The following VRTN variants were observed in gnomAD, a reference collection of about 807,000 sequenced individuals.
The protein encoded by VRTN is vertebrae development associated.
In VRTN, 5 loss-of-function variants were observed where a neutral mutation model predicts 18.2. That is an observed-to-expected ratio of 0.27 (90% confidence interval 0.14 to 0.58). The LOEUF is 0.58. Among genes scored for constraint, VRTN ranks in the 20% least tolerant of loss-of-function variants. The pLI is 0.91. For synonymous variants in VRTN, 381 were observed against 393.7 expected, an observed-to-expected ratio of 0.97 and a Z score of 0.38; for missense variants, 741 against 939.4, an observed-to-expected ratio of 0.79 and a Z score of 2.76.
chr14:74,333,550 A>G (rs1419498324), intron 1 of VRTN, among the ~76,000 whole-genome samples: 1 of 150,202 alleles, frequency 6.7e-6, no homozygotes, highest in Non-Finnish European at 1.5e-5. Context: ...AATAACATTA[A>G]AACAACAGGG....
chr14:74,310,892 C>CT (rs2085384520), intron 1 of VRTN, among the ~76,000 whole-genome samples: 1 of 151,596 alleles, frequency 6.6e-6, no homozygotes, highest in Non-Finnish European at 1.5e-5. Context: ...CAGGGCCTCA[C>CT]TATGTTGCCT....
intron 1 of VRTN, among the ~76,000 whole-genome samples, chr14:74,352,406 T>C (rs1466114144): frequency 6.6e-6 from 1 of 151,810 alleles, no homozygotes; most frequent in African/African-American, 2.4e-5. Context: ...CATGAACTCC[T>C]GATCTCGTGA....
intron 1 of VRTN, among the ~76,000 whole-genome samples, chr14:74,317,112 CAG>C (rs1394589541): frequency 6.6e-6 from 1 of 152,136 alleles, no homozygotes; most frequent in Non-Finnish European, 1.5e-5. Context: ...GGGTTAAAAA[CAG>C]AAGAGTGACA....
At chr14:74,336,713 C>T (rs1392952119) in intron 1 of VRTN, among the ~76,000 whole-genome samples, 4 of 152,044 alleles carry the variant, frequency 2.6e-5, no homozygotes, top group Non-Finnish European at 4.4e-5. Flanking sequence ...GTGGAGGTTG[C>T]GGTCAGTTGA....
At chr14:74,315,339 G>A (rs1156357548) in intron 1 of VRTN, among the ~76,000 whole-genome samples, 2 of 152,126 alleles carry the variant, frequency 1.3e-5, no homozygotes, top group Admixed American at 6.6e-5. Context: ...TCAGCCTCCT[G>A]AGTAGTTGGT....
At chr14:74,336,797 A>AT (rs2140204537) in intron 1 of VRTN, among the ~76,000 whole-genome samples, 1 of 152,038 alleles carries the variant, frequency 6.6e-6, no homozygotes, top group African/African-American at 2.4e-5. Context: ...CCTCTTGGTA[A>AT]TTTTTTTCGC....
At chr14:74,304,852 AAAAT>A (rs1279823854) in intron 1 of VRTN, among the ~76,000 whole-genome samples, 1 of 152,224 alleles carries the variant, frequency 6.6e-6, no homozygotes, top group African/African-American at 2.4e-5. Context: ...GAAAACCAAA[AAAAT>A]AGGATGCAAT....
At chr14:74,331,158 C>T (rs2085519908) in intron 1 of VRTN, among the ~76,000 whole-genome samples, 1 of 150,836 alleles carries the variant, frequency 6.6e-6, no homozygotes, top group South Asian at 2.1e-4. Context: ...GCCGAGATCG[C>T]GCCACTGCAC....
At chr14:74,312,024 C>A (rs2085391745) in intron 1 of VRTN, among the ~76,000 whole-genome samples, 1 of 152,172 alleles carries the variant, frequency 6.6e-6, no homozygotes, top group Non-Finnish European at 1.5e-5. Context: ...CCTGCCTTGG[C>A]CTCCCAAAGT....
chr14:74,326,409 C>T (rs879287384), intron 1 of VRTN, among the ~76,000 whole-genome samples: 16 of 152,080 alleles, frequency 1.1e-4, no homozygotes, highest in East Asian at 1.9e-4. Context: ...GGAAACAGTT[C>T]GTGGCACATT....
At chr14:74,348,924 C>T (rs2140210436) in intron 1 of VRTN, among the ~76,000 whole-genome samples, 1 of 146,794 alleles carries the variant, frequency 6.8e-6, no homozygotes, top group Middle Eastern at 3.5e-3. Flanking sequence ...CCCCACCCTA[C>T]ACAATGGTCT....
At chr14:74,332,157 C>T (rs958425792) in intron 1 of VRTN, among the ~76,000 whole-genome samples, 2 of 151,944 alleles carry the variant, frequency 1.3e-5, no homozygotes, top group Non-Finnish European at 2.9e-5. Context: ...GACCTTTGTT[C>T]TGTATTGTAG....
rs754846456 is a variant in VRTN at position 74,357,876 on chromosome 14, C to T, written c.1093C>T (p.Pro365Ser). 1 of 1,614,010 alleles carries T rather than the reference C, an allele frequency of 6.2e-7. No individual in the cohort carries two copies. The highest frequency in any genetic ancestry group is 8.5e-7 in the Non-Finnish European group (1 of 1,180,034). ...CTCTGGCACCTGCCCGGCCTTGCCCCCCAGGGAGGTGCTGGGCATGGAGGA... is the reference window on the plus strand; with the variant it reads ...CTCTGGCACCTGCCCGGCCTTGCCCTCCAGGGAGGTGCTGGGCATGGAGGA... The part of the protein sequence containing the change: ...LGSGTCPALP[P>S]REVLGMEELE... Residue 365 changes from proline to serine, a missense_variant, in exon 2 of 2, where the codon CCC becomes TCC. By Grantham distance (74) the Pro-to-Ser change is moderately conservative. Coordinates refer to ENST00000256362, the MANE Select transcript of VRTN (RefSeq NM_018228.3). The surrounding 1 kb of genome is among the most constrained non-coding windows in gnomAD (Gnocchi z 7.8).
At chr14:74,340,274 G>A (rs142535923) in intron 2 of VRTN, among the ~76,000 whole-genome samples, 3,141 of 152,192 alleles carry the variant, frequency 0.021, 93 homozygotes, top group African/African-American at 0.07. Context: ...CACCACGCCC[G>A]GCTAATTTTG....
At chr14:74,325,662 C>T (rs1210156208) in intron 1 of VRTN, among the ~76,000 whole-genome samples, 5 of 151,988 alleles carry the variant, frequency 3.3e-5, no homozygotes, top group African/African-American at 1.2e-4. Context: ...CCCAGCTACT[C>T]GGGAGGCTGA....
upstream of VRTN, among the ~76,000 whole-genome samples, chr14:74,345,693 G>A (rs944149431): frequency 6.6e-6 from 1 of 152,010 alleles, no homozygotes; most frequent in Admixed American, 6.6e-5. Context: ...GGAGGCCAAA[G>A]TGGGTGGATC....
upstream of VRTN, among the ~76,000 whole-genome samples, chr14:74,343,856 C>T (rs915274739): frequency 5.3e-5 from 8 of 151,836 alleles, no homozygotes; most frequent in Non-Finnish European, 8.8e-5. Context: ...AGTACAGTGG[C>T]GTGATCTCGG....
chr14:74,314,369 CAA>C (rs1472833112), intron 1 of VRTN, among the ~76,000 whole-genome samples: 1 of 144,668 alleles, frequency 6.9e-6, no homozygotes, highest in Admixed American at 7.0e-5. Flanking sequence ...AAATGAGGAC[CAA>C]AAGACTCAAG....
intron 1 of VRTN, among the ~76,000 whole-genome samples, chr14:74,335,174 G>A (rs541329833): frequency 2.6e-5 from 4 of 152,082 alleles, no homozygotes; most frequent in Non-Finnish European, 5.9e-5. Context: ...CCAGTTACTA[G>A]GGAGGCTGAG....
Sources: gnomAD v4.1 joint callset for allele counts (sites outside exome capture counted in the v4.1 genomes callset) on GRCh38, gnomAD v4.1.1 for gene constraint, Gnocchi (gnomAD v3.1) non-coding constraint, MANE v1.5 for transcripts, NCBI Gene and HGNC (gene_info 2026-07-23, HGNC 2026-07-21) for gene names.